Variants in ITIH5 observed in about 807,000 individuals in gnomAD.
ITIH5 encodes inter-alpha-trypsin inhibitor heavy chain H5.
ITIH5 carries 65 observed loss-of-function variants against 77.5 expected under a neutral mutation model. The observed-to-expected ratio is 0.84, with a 90% confidence interval of 0.69 to 1.03. The LOEUF (loss-of-function observed/expected upper bound fraction) is 1.03. Among genes scored for constraint, ITIH5 ranks in the 50% least tolerant of loss-of-function variants. ITIH5 has a pLI of 0.00. For missense variants in ITIH5, 1,208 were observed against 1,213.1 expected (o/e 1.00, Z 0.06); for synonymous variants, 525 against 494.3 (o/e 1.06, Z -0.82).
At chr10:7,599,100 C>T (rs60098088) in intron 7 of ITIH5, among the ~76,000 whole-genome samples, 2,702 of 152,228 alleles carry the variant, frequency 0.018, 74 homozygotes, top group African/African-American at 0.062. Context: ...CTATTCTTTA[C>T]GACATAGTAG....
chr10:7,648,644 T>C (rs935885721), intron 2 of ITIH5, among the ~76,000 whole-genome samples: 1 of 152,230 alleles, frequency 6.6e-6, no homozygotes, highest in African/African-American at 2.4e-5. Context: ...TAGTTCTTGC[T>C]CAGTAGTATT....
At chr10:7,586,958 G>A (rs11255210) in intron 7 of ITIH5, among the ~76,000 whole-genome samples, 2,438 of 152,204 alleles carry the variant, frequency 0.016, 73 homozygotes, top group African/African-American at 0.056. Flanking sequence ...AGCTTCCTGA[G>A]TAGCTGGGAT....
At chr10:7,616,205 G>C (rs1833363905) in intron 6 of ITIH5, 107 bp from the exon 7 acceptor site, 1 of 692,832 alleles carries the variant, frequency 1.4e-6, no homozygotes, top group African/African-American at 1.8e-5. Flanking sequence ...ATGACAAAGA[G>C]TTTAGGGTGA....
intron 1 of ITIH5, among the ~76,000 whole-genome samples, chr10:7,657,585 T>A (rs2131110576): frequency 1.3e-5 from 2 of 152,314 alleles, no homozygotes; most frequent in African/African-American, 4.8e-5. Flanking sequence ...TAGACTATGA[T>A]ACATTGATTA....
Position 7,576,777 on chromosome 10 carries a change from C to T in ITIH5, c.1654G>A (p.Ala552Thr). 6.2e-7 allele frequency: 1 copy of T among 1,614,214 alleles called. No individual in the cohort carries two copies. The highest frequency in any genetic ancestry group is 8.5e-7 in the Non-Finnish European group (1 of 1,180,030). ...GGGCTTCCTGTGACATCTTTCCCTGCCTTCTGAGGCCGCACAGGCACATCT... is the reference window on the plus strand; with the variant it reads ...GGGCTTCCTGTGACATCTTTCCCTGTCTTCTGAGGCCGCACAGGCACATCT... ...KTDVPVRPQK[A>T]GKDVTGSPRP... The change falls in exon 10 of 14, where the codon GCA (alanine) becomes ACA (threonine). Residue 552 changes from alanine (A) to threonine (T), a missense_variant. Physicochemically the swap from Ala to Thr is moderately conservative, Grantham distance 58. Transcript: ENST00000397146.
intron 7 of ITIH5, among the ~76,000 whole-genome samples, chr10:7,600,373 T>C (rs143885023): frequency 6.6e-6 from 1 of 152,176 alleles, no homozygotes; most frequent in Non-Finnish European, 1.5e-5. Context: ...TTCTAGGTAT[T>C]TTCCTTCAGT....
chr10:7,567,319 TTTATTATTATTA>T (rs59350117), intron 12 of ITIH5, among the ~76,000 whole-genome samples: 10 of 139,498 alleles, frequency 7.2e-5, no homozygotes, highest in African/African-American at 1.9e-4. Context: ...TCGGACATCT[TTTATTATTATTA>T]TTATTATTAT....
intron 2 of ITIH5, among the ~76,000 whole-genome samples, chr10:7,645,333 T>C (rs1365643713): frequency 1.3e-5 from 2 of 152,124 alleles, no homozygotes; most frequent in Non-Finnish European, 2.9e-5. Context: ...GAAGGAATTA[T>C]TTCAAAGTAG....
At chr10:7,656,303 C>T (rs1320191839) in intron 1 of ITIH5, among the ~76,000 whole-genome samples, 8 of 152,182 alleles carry the variant, frequency 5.3e-5, no homozygotes, top group Admixed American at 5.2e-4. Flanking sequence ...CAGCCTCAAA[C>T]TCCCTGGCTC....
rs530953180 is a variant in ITIH5, at chr10:7,603,624, T to C, written c.939+12358A>G. On this transcript the variant is annotated intron_variant, in intron 7 of 13. Transcript: ENST00000397146. ...TTTCAGATGGAGTCTCGCTCTGTCG[T>C]CCAGGCTGGAGTGCAGTGGCGCGAT... 9.9e-5 allele frequency among the ~76,000 whole-genome samples: 15 copies of C among 152,246 alleles called. No homozygotes were observed. In the East Asian group the frequency reaches 2.5e-3, roughly 25 times the overall value.
At chr10:7,636,744 G>A (rs924966582) in intron 5 of ITIH5, among the ~76,000 whole-genome samples, 1 of 151,706 alleles carries the variant, frequency 6.6e-6, no homozygotes, top group Non-Finnish European at 1.5e-5. Context: ...AGCATGGGCT[G>A]TATTTTATTT....
At chr10:7,579,326 G>A (rs1299619829) in intron 9 of ITIH5, among the ~76,000 whole-genome samples, 6 of 152,194 alleles carry the variant, frequency 3.9e-5, no homozygotes, top group Admixed American at 3.3e-4. Context: ...AGGAGTTCGA[G>A]ACCAGCCTGA....
chr10:7,601,114 C>A (rs547490107), intron 7 of ITIH5, among the ~76,000 whole-genome samples: 1 of 152,222 alleles, frequency 6.6e-6, no homozygotes, highest in East Asian at 1.9e-4. Context: ...TAATTTGGCT[C>A]CCCTCTCCCC....
rs771478452 is a variant in ITIH5 at position 7,637,486 on chromosome 10, G to A, written c.402-8C>T. The A allele has an allele frequency of 9.3e-6, 15 of 1,612,156 alleles. No homozygotes were observed. Among genetic ancestry groups the A allele is most frequent in the Middle Eastern group, 3.3e-4 (2 of 6,068 alleles). ...ATTTCAGTCCCCTTCTCTCTGTCAG[G>A]AAAAAGGAAAAGGACCCCAGGGAGG... is the stretch of plus-strand genomic sequence containing the variant. On this transcript the variant is annotated splice_region_variant and splice_polypyrimidine_tract_variant and intron_variant, in intron 4 of 13. Transcript: ENST00000397146.
At chr10:7,641,569 G>A (rs1332242586) in intron 3 of ITIH5, among the ~76,000 whole-genome samples, 1 of 149,968 alleles carries the variant, frequency 6.7e-6, no homozygotes. Flanking sequence ...AAGAAAGAAA[G>A]GAAGAAAAAA....
chr10:7,572,535 C>G lies in ITIH5; in HGVS notation c.2032+607G>C, dbSNP rs891380561. 17 of 1,185,662 alleles carry G rather than the reference C, an allele frequency of 1.4e-5. No individual in the cohort carries two copies. The Admixed American group carries it at 5.1e-4, about 36-fold the overall frequency. 73.4% of individuals were successfully genotyped at this position (1,185,662 alleles called of 1,614,324 possible). ...ATCTCTAAAACAAATGTCTTCTAAACTCAATGAGGGTCAGAATGTGCCTCT... is the reference window on the plus strand; with the variant it reads ...ATCTCTAAAACAAATGTCTTCTAAAGTCAATGAGGGTCAGAATGTGCCTCT... On this transcript the variant is annotated intron_variant, in intron 11 of 13. Transcript: ENST00000397146.
chr10:7,572,094 T>C, intron 11 of ITIH5: 2 of 1,036,230 alleles, frequency 1.9e-6, no homozygotes, highest in Non-Finnish European at 1.2e-6. Context: ...GAGGAAGCTT[T>C]TCTGGCATTC....
chr10:7,567,319 T>TTTATTA (rs59350117), intron 12 of ITIH5, among the ~76,000 whole-genome samples: 41,980 of 139,152 alleles, frequency 0.3, 6,668 homozygotes, highest in South Asian at 0.45. Context: ...TCGGACATCT[T>TTTATTA]TTATTATTAT....
rs142992412 is a variant in ITIH5, at chr10:7,581,721, C to CTTTTTT, written c.1109-1663_1109-1658dup. Among the ~76,000 whole-genome samples, 717 of 101,612 alleles carry CTTTTTT rather than the reference C, an allele frequency of 7.1e-3. 9 individuals carry two copies. The highest frequency in any genetic ancestry group is 0.013 in the East Asian group (37 of 2,812). The allele number at this position is 101,612 out of a possible 152,430, so 66.7% of individuals were successfully genotyped here. On this transcript the variant is annotated intron_variant, in intron 8 of 13. Coordinates refer to ENST00000397146, the MANE Select transcript of ITIH5 (RefSeq NM_030569.7). ...TCCCATGTTTTCTTTTCTTTTCCTTCTTTTTTTTTTTTTTTTTTTTTTTAG... is the reference window on the plus strand; with the variant it reads ...TCCCATGTTTTCTTTTCTTTTCCTTCTTTTTTTTTTTTTTTTTTTTTTTTTTTTTAG...
Sources: allele counts gnomAD v4.1 joint callset (sites outside exome capture counted in the v4.1 genomes callset), GRCh38; gene constraint gnomAD v4.1.1; transcripts MANE v1.5; gene names NCBI Gene and HGNC (gene_info 2026-07-23, HGNC 2026-07-21).